Variants in LYPD6B observed in about 807,000 individuals in gnomAD.
The protein encoded by LYPD6B is LY6/PLAUR domain containing 6B, also known as ly6/PLAUR domain-containing protein 6B.
Under a neutral mutation model 22.8 loss-of-function variants are expected in LYPD6B, and 17 were observed. The observed-to-expected ratio is 0.75, with a 90% CI of 0.51 to 1.12. The LOEUF (loss-of-function observed/expected upper bound fraction) is 1.12, where lower values mean the gene tolerates loss of function less well. LYPD6B is among the 50% of genes most tolerant of loss of function. The pLI is 0.00. For missense variants in LYPD6B, 221 were observed against 258.3 expected (o/e 0.86, Z 0.99); for synonymous variants, 106 against 91.6 (o/e 1.16, Z -0.90).
At chr2:149,163,654 C>T (rs1026789145) in intron 3 of LYPD6B, among the ~76,000 whole-genome samples, 1 of 152,160 alleles carries the variant, frequency 6.6e-6, no homozygotes, top group Non-Finnish European at 1.5e-5. Context: ...ATCAGTTCTT[C>T]CCTCAGGTTA....
intron 3 of LYPD6B, among the ~76,000 whole-genome samples, chr2:149,174,326 C>G (rs564664912): frequency 1.3e-5 from 2 of 152,176 alleles, no homozygotes; most frequent in Admixed American, 6.5e-5. Flanking sequence ...GTGTCATCTG[C>G]CAACAAAGAT....
At chr2:149,135,685 A>G (rs2105734192) in intron 2 of LYPD6B, among the ~76,000 whole-genome samples, 1 of 131,528 alleles carries the variant, frequency 7.6e-6, no homozygotes, top group South Asian at 2.6e-4. Flanking sequence ...ATGCCACTGC[A>G]CTCCAGCCTG....
chr2:149,055,649 A>G (rs1683756498), intron 1 of LYPD6B, among the ~76,000 whole-genome samples: 1 of 152,104 alleles, frequency 6.6e-6, no homozygotes, highest in Non-Finnish European at 1.5e-5. Flanking sequence ...GTGTAATGAC[A>G]TTGTCAGTTT....
At chr2:149,164,739 C>T (rs1185652222) in intron 3 of LYPD6B, among the ~76,000 whole-genome samples, 1 of 152,178 alleles carries the variant, frequency 6.6e-6, no homozygotes, top group Non-Finnish European at 1.5e-5. Context: ...GAATGTGCTG[C>T]CTCACTGGCC....
intron 2 of LYPD6B, among the ~76,000 whole-genome samples, chr2:149,149,149 T>C (rs1397527665): frequency 6.6e-6 from 1 of 151,772 alleles, no homozygotes; most frequent in Non-Finnish European, 1.5e-5. Flanking sequence ...TTCTATTAGG[T>C]TGATGAAAAA....
chr2:149,149,995 T>C (rs145866889), intron 2 of LYPD6B, among the ~76,000 whole-genome samples: 289 of 152,324 alleles, frequency 1.9e-3, no homozygotes, highest in African/African-American at 6.7e-3. Context: ...TATGACCTTT[T>C]GTTATATCAA....
chr2:149,160,545 C>T (rs749425713), intron 2 of LYPD6B: 37 of 646,758 alleles, frequency 5.7e-5, no homozygotes, highest in Middle Eastern at 2.4e-4. Context: ...GTTAATAAAA[C>T]GCTAGCTCAC....
intron 2 of LYPD6B, among the ~76,000 whole-genome samples, chr2:149,152,475 A>G (rs182302187): frequency 1.3e-5 from 2 of 152,326 alleles, no homozygotes; most frequent in East Asian, 3.9e-4. Flanking sequence ...GGAATTGGAC[A>G]AGTGGGAATG....
chr2:149,077,933 G>A (rs189937325), intron 1 of LYPD6B, among the ~76,000 whole-genome samples: 1 of 151,898 alleles, frequency 6.6e-6, no homozygotes, highest in African/African-American at 2.4e-5. Flanking sequence ...GTAGCTTTGG[G>A]CTGAAGCTGA....
At chr2:149,128,112 C>T (rs1434959710) in intron 1 of LYPD6B, among the ~76,000 whole-genome samples, 1 of 151,996 alleles carries the variant, frequency 6.6e-6, no homozygotes, top group Non-Finnish European at 1.5e-5. Context: ...AAAACATAAC[C>T]TATTGCTTCT....
intron 1 of LYPD6B, among the ~76,000 whole-genome samples, chr2:149,041,545 G>A (rs1683090247): frequency 6.6e-6 from 1 of 152,214 alleles, no homozygotes; most frequent in South Asian, 2.1e-4. Flanking sequence ...ACCTACCTGA[G>A]CATCCATGCT....
intron 2 of LYPD6B, among the ~76,000 whole-genome samples, chr2:149,144,902 T>C (rs1688921116): frequency 6.6e-6 from 1 of 152,146 alleles, no homozygotes; most frequent in Non-Finnish European, 1.5e-5. Context: ...CTTTCCACTG[T>C]TCCCTATGAA....
intron 1 of LYPD6B, among the ~76,000 whole-genome samples, chr2:149,072,871 G>A (rs1445752577): frequency 6.6e-6 from 1 of 152,122 alleles, no homozygotes; most frequent in Non-Finnish European, 1.5e-5. Flanking sequence ...GGTCAGGAAA[G>A]CCTGAGACAT....
intron 3 of LYPD6B, among the ~76,000 whole-genome samples, chr2:149,197,654 T>G (rs1208734731): frequency 6.6e-6 from 1 of 152,090 alleles, no homozygotes; most frequent in Non-Finnish European, 1.5e-5. Context: ...TCAGGAAGAG[T>G]TATCTTTTCT....
At chr2:149,071,715 TG>T (rs1181528053) in intron 1 of LYPD6B, among the ~76,000 whole-genome samples, 1 of 152,150 alleles carries the variant, frequency 6.6e-6, no homozygotes, top group Admixed American at 6.5e-5. Context: ...CAGGCGCTTT[TG>T]GTTAGTGTGA....
intron 2 of LYPD6B, among the ~76,000 whole-genome samples, chr2:149,157,381 GT>G (rs1689776876): frequency 6.6e-6 from 1 of 152,116 alleles, no homozygotes; most frequent in South Asian, 2.1e-4. Flanking sequence ...AAGAGCTTTT[GT>G]TGTTTAAATG....
At chr2:149,146,637 C>T (rs1689043403) in intron 2 of LYPD6B, among the ~76,000 whole-genome samples, 1 of 151,776 alleles carries the variant, frequency 6.6e-6, no homozygotes, top group Non-Finnish European at 1.5e-5. Flanking sequence ...AAGAGAACCC[C>T]TAGATATTAA....
chr2:149,163,082 C>A (rs999737825), intron 3 of LYPD6B, among the ~76,000 whole-genome samples: 1 of 152,034 alleles, frequency 6.6e-6, no homozygotes, highest in Non-Finnish European at 1.5e-5. Context: ...TGCCTGGAGC[C>A]CAGATTCAGC....
chr2:149,156,564 A>G (rs1024893600), intron 2 of LYPD6B, among the ~76,000 whole-genome samples: 3 of 152,312 alleles, frequency 2.0e-5, no homozygotes, highest in East Asian at 3.9e-4. Context: ...GCCTGTCTGC[A>G]TAGCCTGTGG....
Sources: allele counts gnomAD v4.1 joint callset (sites outside exome capture counted in the v4.1 genomes callset), GRCh38; gene constraint gnomAD v4.1.1; transcripts MANE v1.5; gene names NCBI Gene and HGNC (gene_info 2026-07-23, HGNC 2026-07-21).